FAM81A: variants seen among roughly 807,000 people sequenced by gnomAD.
FAM81A encodes the protein family with sequence similarity 81 member A, also known as protein FAM81A.
A neutral mutation model predicts 46.7 loss-of-function variants in FAM81A; 19 were observed. That is an observed-to-expected ratio of 0.41 (90% CI 0.28 to 0.60). The LOEUF is 0.60. Ranked by LOEUF, FAM81A falls within the 20% of genes least tolerant of loss-of-function variation. The pLI, the probability that FAM81A is intolerant of heterozygous loss-of-function variation, is 0.34. For missense variants in FAM81A, 377 were observed against 453.5 expected, an observed-to-expected ratio of 0.83 and a Z score of 1.53; for synonymous variants, 183 against 152.9, an observed-to-expected ratio of 1.20 and a Z score of -1.45.
intron 4 of FAM81A, among the ~76,000 whole-genome samples, chr15:59,497,933 C>T (rs1233084958): frequency 2.6e-5 from 4 of 152,174 alleles, no homozygotes; most frequent in East Asian, 1.9e-4. Context: ...TCACAATTCC[C>T]TGCAGTTTGA....
intron 1 of FAM81A, among the ~76,000 whole-genome samples, chr15:59,453,144 A>G (rs1490152891): frequency 6.6e-6 from 1 of 152,138 alleles, no homozygotes; most frequent in Non-Finnish European, 1.5e-5. Flanking sequence ...AAAGGAACCA[A>G]CCCTTACTGG....
chr15:59,512,884 A>C (rs1342127954), intron 6 of FAM81A, among the ~76,000 whole-genome samples: 4 of 152,200 alleles, frequency 2.6e-5, no homozygotes, highest in Non-Finnish European at 5.9e-5. Flanking sequence ...TATGACTTTG[A>C]TGCATCATGA....
In FAM81A at chr15:59,460,522, A is replaced by C. The variant is rs767606921; in HGVS notation, c.294+316A>C. ...ACTAGTCGAATAGTTTCACTCTATA[A>C]TCTTTCATATCTTTGAAGACAGCTA... On this transcript the variant is annotated intron_variant, in intron 3 of 8. Transcript: ENST00000288228. This position sits in a 1 kb window ranked among gnomAD's most constrained non-coding sequence, Gnocchi z 4.4. The C allele has an allele frequency of 8.5e-5, 35 of 409,564 alleles. No individual in the cohort carries two copies. The highest frequency in any genetic ancestry group is 1.2e-4 in the Non-Finnish European group (27 of 217,950). The allele number at this position is 409,564 out of a possible 1,614,324, so 25.4% of individuals were successfully genotyped here. A position where few individuals can be genotyped will look rare whatever the true frequency, so the allele number is the denominator to read the frequency against.
intron 4 of FAM81A, among the ~76,000 whole-genome samples, chr15:59,506,181 G>A (rs911930071): frequency 1.3e-5 from 2 of 151,856 alleles, no homozygotes; most frequent in African/African-American, 2.4e-5. Context: ...TTGTATTATC[G>A]TTTTATCTTT....
At chr15:59,517,450 C>T (rs1241595054) in intron 8 of FAM81A, among the ~76,000 whole-genome samples, 1 of 152,142 alleles carries the variant, frequency 6.6e-6, no homozygotes, top group Non-Finnish European at 1.5e-5. Context: ...TTAATGAGTC[C>T]TAAAAGACTG....
intron 3 of FAM81A, among the ~76,000 whole-genome samples, chr15:59,463,285 A>G (rs1226132654): frequency 6.6e-6 from 1 of 152,174 alleles, no homozygotes; most frequent in African/African-American, 2.4e-5. Context: ...AAATCAATTG[A>G]ACATAAAATA....
At chr15:59,484,971 A>G (rs1732581856) in intron 3 of FAM81A, among the ~76,000 whole-genome samples, 2 of 152,102 alleles carry the variant, frequency 1.3e-5, no homozygotes, top group African/African-American at 4.8e-5. Context: ...TAGGTGAACA[A>G]TGGCAGTAGC....
At chr15:59,506,767 A>C (rs1458008321) in intron 4 of FAM81A, among the ~76,000 whole-genome samples, 2 of 152,118 alleles carry the variant, frequency 1.3e-5, no homozygotes, top group Non-Finnish European at 2.9e-5. Flanking sequence ...TCTACACCCT[A>C]CTCATACTAT....
chr15:59,466,675 T>G (rs1280500388), intron 3 of FAM81A, among the ~76,000 whole-genome samples: 1 of 152,200 alleles, frequency 6.6e-6, no homozygotes, highest in African/African-American at 2.4e-5. Flanking sequence ...ACTCTGATGG[T>G]AGTTTCTTTT....
chr15:59,433,651 A>G (rs2081230785), upstream of FAM81A, among the ~76,000 whole-genome samples: 1 of 152,206 alleles, frequency 6.6e-6, no homozygotes, highest in Non-Finnish European at 1.5e-5. Flanking sequence ...TAAATAAAAG[A>G]GGAAAAAAGG....
At chr15:59,516,979 C>T (rs2082274416) in intron 8 of FAM81A, 139 bp downstream of exon 8, 3 of 825,370 alleles carry the variant, frequency 3.6e-6, no homozygotes, top group Non-Finnish European at 5.3e-6. Context: ...TTCTGAGTAG[C>T]TGTGCTGTAT....
chr15:59,458,730 C>T (rs1381693127), intron 2 of FAM81A, 84 bp downstream of exon 2: 20 of 1,357,468 alleles, frequency 1.5e-5, no homozygotes, highest in Non-Finnish European at 6.3e-6. Flanking sequence ...GTTACATTAT[C>T]GGAGAATGGT....
chr15:59,458,767 T>C (rs1419579045), intron 2 of FAM81A, 121 bp downstream of exon 2: 2 of 889,422 alleles, frequency 2.2e-6, no homozygotes, highest in Non-Finnish European at 3.7e-6. Flanking sequence ...AGAAACACTA[T>C]TGTGTCCTCT....
chr15:59,458,343 G>A (rs1292284752), intron 1 of FAM81A, among the ~76,000 whole-genome samples: 2 of 152,182 alleles, frequency 1.3e-5, no homozygotes, highest in Non-Finnish European at 1.5e-5. Flanking sequence ...ATTAATTTCA[G>A]AAGAGCTTTG....
intron 1 of FAM81A, among the ~76,000 whole-genome samples, chr15:59,456,463 A>G (rs1172620833): frequency 2.0e-5 from 3 of 152,120 alleles, no homozygotes; most frequent in Non-Finnish European, 4.4e-5. Flanking sequence ...GGGAAAGCCT[A>G]CTCATTCTCA....
intron 1 of FAM81A, among the ~76,000 whole-genome samples, chr15:59,449,867 T>C (rs1235555635): frequency 6.6e-6 from 1 of 151,460 alleles, no homozygotes; most frequent in African/African-American, 2.4e-5. Context: ...CTTAATATAT[T>C]TGTGAGATTC....
intron 1 of FAM81A, among the ~76,000 whole-genome samples, chr15:59,442,618 C>CAAAAAAAAAAAAAAAAAAAAAGAAAAAA (rs2081311238): frequency 1.3e-5 from 1 of 76,700 alleles, no homozygotes; most frequent in Non-Finnish European, 2.7e-5. Flanking sequence ...CTCCGTCTCT[C>CAAAAAAAAAAAAAAAAAAAAAGAAAAAA]AAAAAAAAAA....
intron 3 of FAM81A, among the ~76,000 whole-genome samples, chr15:59,467,788 G>C (rs1277116558): frequency 1.3e-5 from 2 of 152,118 alleles, no homozygotes; most frequent in Non-Finnish European, 2.9e-5. Flanking sequence ...TTTTGTGCCG[G>C]TTTTCAAAGG....
intron 8 of FAM81A, among the ~76,000 whole-genome samples, chr15:59,520,307 G>A (rs114836631): frequency 0.032 from 4,847 of 152,042 alleles, 129 homozygotes; most frequent in African/African-American, 0.068. Context: ...GCTTGTACTC[G>A]TTTGTCTTTT....
Sources: allele counts gnomAD v4.1 joint callset (sites outside exome capture counted in the v4.1 genomes callset), GRCh38; gene constraint gnomAD v4.1.1; non-coding constraint Gnocchi (gnomAD v3.1); transcripts MANE v1.5; gene names NCBI Gene and HGNC (gene_info 2026-07-23, HGNC 2026-07-21).